ARMH3: variants seen among roughly 807,000 people sequenced by gnomAD.
The protein encoded by ARMH3 is armadillo like helical domain containing 3.
In ARMH3, 60 loss-of-function variants were observed where a neutral mutation model predicts 99.1. The ratio of observed to expected loss-of-function variants is 0.61; its 90% CI spans 0.49 to 0.75. The LOEUF (loss-of-function observed/expected upper bound fraction) is 0.75. Among genes scored for constraint, ARMH3 ranks in the 30% least tolerant of loss-of-function variants. The pLI is 0.00. For missense variants in ARMH3, 679 were observed against 843.1 expected (o/e 0.81, Z 2.41); for synonymous variants, 285 against 292.8 (o/e 0.97, Z 0.27).
Position 101,875,505 on chromosome 10 carries a change from CAGA to C in ARMH3, c.1860+13904_1860+13906del, listed in dbSNP as rs534822173. Among the ~76,000 whole-genome samples, 67 of 152,296 alleles carry C rather than the reference CAGA, an allele frequency of 4.4e-4. No homozygotes were observed. The South Asian group carries it at 0.013, about 29-fold the overall frequency. On this transcript the variant is annotated intron_variant, in intron 24 of 25. Coordinates refer to ENST00000370033, the MANE Select transcript of ARMH3 (RefSeq NM_024541.3). ...ATACAGCCACCCTGTATATAATAGG[CAGA>C]AGGTTTTTTCCCCCCTTTCTATTTT...
At chr10:102,038,688 GTGATACATTT>G (rs2067335632) in intron 2 of ARMH3, among the ~76,000 whole-genome samples, 1 of 151,802 alleles carries the variant, frequency 6.6e-6, no homozygotes, top group Admixed American at 6.6e-5. Context: ...TCTATATTTA[GTGATACATTT>G]AGAATGCTCC....
intron 8 of ARMH3, among the ~76,000 whole-genome samples, chr10:102,021,549 ATTT>A (rs879374407): frequency 2.1e-5 from 3 of 141,106 alleles, no homozygotes; most frequent in East Asian, 2.1e-4. Context: ...CAACCAGCTA[ATTT>A]TTTTTTTTTT....
At chr10:102,017,168 T>G (rs1311674841) in intron 8 of ARMH3, among the ~76,000 whole-genome samples, 1 of 152,210 alleles carries the variant, frequency 6.6e-6, no homozygotes, top group Non-Finnish European at 1.5e-5. Context: ...TTGCACAGAA[T>G]TTCACCAGCT....
In ARMH3 at chr10:102,004,623, T is replaced by C. The variant is rs186946771; in HGVS notation, c.1048+1917A>G. 2.1e-4 allele frequency among the ~76,000 whole-genome samples: 32 copies of C among 152,302 alleles called. 1 individual carries two copies. The East Asian group carries it at 5.4e-3, about 26-fold the overall frequency. On this transcript the variant is annotated intron_variant, in intron 14 of 25. Coordinates refer to ENST00000370033, the MANE Select transcript of ARMH3 (RefSeq NM_024541.3). ...GAAGCATCCAAACCCCAACATCACA[T>C]GGAACTCATATATATATATATGGCT...
chr10:101,916,411 G>C (rs562383038), intron 23 of ARMH3, among the ~76,000 whole-genome samples: 3 of 151,628 alleles, frequency 2.0e-5, no homozygotes, highest in African/African-American at 7.3e-5. Flanking sequence ...AACAAACCTG[G>C]GAATTTGTAA....
At chr10:101,875,496 T>C (rs907679765) in intron 24 of ARMH3, among the ~76,000 whole-genome samples, 18 of 152,242 alleles carry the variant, frequency 1.2e-4, no homozygotes, top group Non-Finnish European at 4.4e-5. Flanking sequence ...CCACCCTGTA[T>C]ATAATAGGCA....
chr10:102,035,990 G>C (rs1199024674), intron 2 of ARMH3, among the ~76,000 whole-genome samples: 1 of 151,934 alleles, frequency 6.6e-6, no homozygotes, highest in Non-Finnish European at 1.5e-5. Flanking sequence ...CATCGTCTGA[G>C]ATGTGGGGAG....
At chr10:102,024,392 T>C (rs956034154) in intron 6 of ARMH3, among the ~76,000 whole-genome samples, 1 of 151,834 alleles carries the variant, frequency 6.6e-6, no homozygotes, top group South Asian at 2.1e-4. Flanking sequence ...GTGGTTGCAG[T>C]GAGCCAGGAT....
In ARMH3 at chr10:102,029,756, G is replaced by C; in HGVS notation, c.307-11C>G. On this transcript the variant is annotated splice_polypyrimidine_tract_variant and intron_variant, in intron 4 of 25. Transcript: ENST00000370033. ...GAGTGCGCACAGGGTCTGCAGAAAT[G>C]AGAGAAAGAATTCTTTCTGGAGAGG... 3 of 1,606,350 alleles carry C rather than the reference G, an allele frequency of 1.9e-6. No homozygotes were observed. The highest frequency in any genetic ancestry group is 2.6e-6 in the Non-Finnish European group (3 of 1,173,946).
At chr10:102,041,100 T>TATA in intron 1 of ARMH3, among the ~76,000 whole-genome samples, 1 of 146,158 alleles carries the variant, frequency 6.8e-6, no homozygotes, top group Non-Finnish European at 1.5e-5. Flanking sequence ...AATATATATA[T>TATA]ATATATATAT....
intron 19 of ARMH3, 84 bp downstream of exon 19, chr10:101,990,467 G>A (rs186133415): frequency 4.3e-5 from 49 of 1,134,290 alleles, no homozygotes; most frequent in Non-Finnish European, 5.3e-5. Flanking sequence ...CATGGCGCCC[G>A]GCCTACACAG....
At position 101,990,565 on chromosome 10, in the gene ARMH3, A is replaced by G; in HGVS notation, c.1392T>C (p.Pro464=). The G allele has an allele frequency of 1.9e-6, 3 of 1,598,210 alleles. No homozygotes were observed. ...TTTGTACTTACATATAGAGATCCAT[A>G]GGAAACTCCTTCATCATGTGTGTTA... is the stretch of plus-strand genomic sequence containing the variant. ...FIVTHMMKEF[P]MDLYIRCIQV... Residue 464 remains proline (P), a synonymous_variant, in exon 19 of 26, where the codon CCT becomes CCC. Transcript: ENST00000370033.
At chr10:102,004,403 G>C (rs2066436548) in intron 14 of ARMH3, among the ~76,000 whole-genome samples, 1 of 152,156 alleles carries the variant, frequency 6.6e-6, no homozygotes, top group Admixed American at 6.5e-5. Context: ...GTCATTCCTT[G>C]ATCTTTGGCT....
At chr10:101,967,548 C>T (rs890381753) in intron 20 of ARMH3, among the ~76,000 whole-genome samples, 1 of 152,136 alleles carries the variant, frequency 6.6e-6, no homozygotes, top group Non-Finnish European at 1.5e-5. Flanking sequence ...ACCAGCCCGG[C>T]CAACATGGTA....
chr10:102,016,183 G>C (rs2066747543), intron 8 of ARMH3, among the ~76,000 whole-genome samples: 1 of 152,076 alleles, frequency 6.6e-6, no homozygotes, highest in Admixed American at 6.6e-5. Flanking sequence ...TAGGATTTTG[G>C]ATTTTTTTTT....
At chr10:102,027,421 T>C (rs2067025159) in intron 5 of ARMH3, among the ~76,000 whole-genome samples, 1 of 151,962 alleles carries the variant, frequency 6.6e-6, no homozygotes, top group Non-Finnish European at 1.5e-5. Flanking sequence ...TTGGTGATCA[T>C]CTGGAGATAA....
intron 22 of ARMH3, among the ~76,000 whole-genome samples, chr10:101,955,025 C>T (rs12359517): frequency 0.21 from 31,619 of 152,138 alleles, 4,001 homozygotes; most frequent in Non-Finnish European, 0.29. Context: ...CCAATGAGTG[C>T]TAAAACCTCT....
intron 25 of ARMH3, 50 bp downstream of exon 25, chr10:101,849,726 T>C (rs779678040): frequency 6.7e-7 from 1 of 1,501,698 alleles, no homozygotes; most frequent in Non-Finnish European, 9.2e-7. Context: ...CAGAACCCAG[T>C]GGCTGGGGGC....
chr10:101,919,595 T>C (rs1843224310), intron 23 of ARMH3, among the ~76,000 whole-genome samples: 1 of 152,188 alleles, frequency 6.6e-6, no homozygotes, highest in Non-Finnish European at 1.5e-5. Context: ...TCCAGGCTTC[T>C]GGTGGCTGCG....
Sources: allele counts gnomAD v4.1 joint callset (sites outside exome capture counted in the v4.1 genomes callset), GRCh38; gene constraint gnomAD v4.1.1; transcripts MANE v1.5; gene names NCBI Gene and HGNC (gene_info 2026-07-23, HGNC 2026-07-21).